Variants in PDCD1 observed in about 807,000 individuals in gnomAD.
PDCD1 encodes programmed cell death protein 1.
A neutral mutation model predicts 23.6 loss-of-function variants in PDCD1; 10 were observed. The observed-to-expected ratio is 0.42, with a 90% CI of 0.26 to 0.72. The LOEUF (loss-of-function observed/expected upper bound fraction) is 0.72, where lower values mean the gene tolerates loss of function less well. Among genes scored for constraint, PDCD1 ranks in the 30% least tolerant of loss-of-function variants. The probability of loss-of-function intolerance (pLI) is 0.24; values close to 1 mark genes in which losing one functional copy is unlikely to be tolerated. For synonymous variants in PDCD1, 168 were observed against 169.3 expected, an observed-to-expected ratio of 0.99 and a Z score of 0.06; for missense variants, 313 against 397.8, an observed-to-expected ratio of 0.79 and a Z score of 1.81.
At position 241,852,800 on chromosome 2, in the gene PDCD1, C is replaced by A; in HGVS notation, c.257G>T (p.Arg86Leu). ...GCGGCAGTCCTGGCCGGGCTGGCTGCGGTCCTCGGGGAAGGCGGCCAGCTT... is the reference window on the plus strand; with the variant it reads ...GCGGCAGTCCTGGCCGGGCTGGCTGAGGTCCTCGGGGAAGGCGGCCAGCTT... ...TDKLAAFPED[R>L]SQPGQDCRFR... is the part of the protein sequence containing the mutation. Residue 86 changes from arginine (R) to leucine (L), a missense_variant, in exon 2 of 5, where the codon CGC becomes CTC. This residue lies in a region of PDCD1 where 135 missense variants were observed against 166.9 expected (regional missense o/e 0.81). Coordinates refer to ENST00000334409, the MANE Select transcript of PDCD1 (RefSeq NM_005018.3). 6.2e-7 allele frequency: 1 copy of A among 1,613,512 alleles called. No individual in the cohort carries two copies. The highest frequency in any genetic ancestry group is 8.5e-7 in the Non-Finnish European group (1 of 1,179,990).
chr2:241,851,713 T>C (rs530475970), intron 4 of PDCD1, among the ~76,000 whole-genome samples: 2 of 147,352 alleles, frequency 1.4e-5, no homozygotes, highest in African/African-American at 2.6e-5. Flanking sequence ...CAGGCACCCC[T>C]GGAGACCGCA....
chr2:241,858,005 GGCCCAGGGTCACGGGCA>G (rs1170804030), intron 1 of PDCD1, among the ~76,000 whole-genome samples: 1 of 152,178 alleles, frequency 6.6e-6, no homozygotes, highest in Non-Finnish European at 1.5e-5. Flanking sequence ...GTACACAGAG[GGCCCAGGGTCACGGGCA>G]GCCCAGGAAG....
At chr2:241,851,526 T>G (rs1700902819) in intron 4 of PDCD1, among the ~76,000 whole-genome samples, 1 of 152,210 alleles carries the variant, frequency 6.6e-6, no homozygotes, top group Non-Finnish European at 1.5e-5. Flanking sequence ...AGATTTAGGA[T>G]TCCAAAATGT....
chr2:241,852,601 CG>C lies in PDCD1; in HGVS notation c.436+19del, dbSNP rs746714935. The C allele has an allele frequency of 2.5e-5, 40 of 1,604,188 alleles. No individual in the cohort carries two copies. Among genetic ancestry groups the C allele is most frequent in the Non-Finnish European group, 3.2e-5 (38 of 1,176,314 alleles). ...GGACCGGCTCAGCTCACCCCTGCCC[CG>C]GGGCCTCCGAGGCCGCACCTGTCAC... On this transcript the variant is annotated intron_variant, in intron 2 of 4. Coordinates refer to ENST00000334409, the MANE Select transcript of PDCD1 (RefSeq NM_005018.3).
chr2:241,850,509 G>T lies in PDCD1; in HGVS notation c.*549C>A. On this transcript the variant is annotated 3_prime_UTR_variant, in exon 5 of 5. Transcript: ENST00000334409. Reference sequence around the variant, plus strand: ...TCTGACCTTCCCTGAAACTTCTCTAGGCCTGCAGGGAGCAGATAACTCCTG... The same window carrying T: ...TCTGACCTTCCCTGAAACTTCTCTATGCCTGCAGGGAGCAGATAACTCCTG... 1 of 285,968 alleles carries T rather than the reference G, an allele frequency of 3.5e-6. No homozygotes were observed. Among genetic ancestry groups the T allele is most frequent in the Non-Finnish European group, 6.7e-6 (1 of 149,098 alleles). 17.7% of individuals were successfully genotyped at this position (285,968 alleles called of 1,614,324 possible).
intron 1 of PDCD1, among the ~76,000 whole-genome samples, chr2:241,856,071 GC>G: frequency 6.6e-6 from 1 of 152,334 alleles, no homozygotes; most frequent in South Asian, 2.1e-4. Flanking sequence ...TGAAGGCAGA[GC>G]CTGGGGGATG....
intron 1 of PDCD1, among the ~76,000 whole-genome samples, chr2:241,853,534 T>A (rs796557610): frequency 2.0e-5 from 3 of 152,358 alleles, no homozygotes; most frequent in African/African-American, 7.2e-5. Flanking sequence ...CAGTGGGGCC[T>A]CCACATTTTC....
chr2:241,854,293 C>T (rs1251447670), intron 1 of PDCD1, among the ~76,000 whole-genome samples: 1 of 152,246 alleles, frequency 6.6e-6, no homozygotes, highest in Admixed American at 6.5e-5. Context: ...CCCCCAGCTT[C>T]CTGGTGGTGT....
intron 4 of PDCD1, 148 bp downstream of exon 4, chr2:241,851,801 A>G: frequency 1.2e-6 from 1 of 828,922 alleles, no homozygotes; most frequent in Non-Finnish European, 2.0e-6. Flanking sequence ...TTAGGGATTG[A>G]GGTTGCTGCC....
At position 241,850,968 on chromosome 2, in the gene PDCD1, G is replaced by A; in HGVS notation, c.*90C>T. 2.0e-6 allele frequency: 3 copies of A among 1,500,904 alleles called. No individual in the cohort carries two copies. The highest frequency in any genetic ancestry group is 2.7e-6 in the Non-Finnish European group (3 of 1,116,646). 93.0% of individuals were successfully genotyped at this position (1,500,904 alleles called of 1,614,324 possible). On this transcript the variant is annotated 3_prime_UTR_variant, in exon 5 of 5. Coordinates refer to ENST00000334409, the MANE Select transcript of PDCD1 (RefSeq NM_005018.3). ...CTCAGCCCCTGGACGGCCTGCAATG[G>A]CCTGCACCCTGCCTGCTTCTCCTGA...
At chr2:241,855,348 C>T (rs996235374) in intron 1 of PDCD1, among the ~76,000 whole-genome samples, 2 of 152,094 alleles carry the variant, frequency 1.3e-5, no homozygotes, top group Non-Finnish European at 2.9e-5. Context: ...TCACCCCAGT[C>T]CTCAGGCCAC....
At chr2:241,851,352 C>A (rs1353343375) in intron 4 of PDCD1, 55 bp from the exon 5 acceptor site, 4 of 1,543,990 alleles carry the variant, frequency 2.6e-6, no homozygotes, top group Non-Finnish European at 2.6e-6. Context: ...AGGAAGGAGG[C>A]CCGCGGCTCC....
At chr2:241,855,129 C>T (rs556618032) in intron 1 of PDCD1, among the ~76,000 whole-genome samples, 1 of 152,262 alleles carries the variant, frequency 6.6e-6, no homozygotes, top group Non-Finnish European at 1.5e-5. Flanking sequence ...CCCCCCCAAC[C>T]CCCCTATTTT....
At position 241,852,886 on chromosome 2, in the gene PDCD1, G is replaced by A. The variant is rs2124861148; in HGVS notation, c.171C>T (p.Ser57=). 6.2e-7 allele frequency: 1 copy of A among 1,601,826 alleles called. No homozygotes were observed. Among genetic ancestry groups the A allele is most frequent in the Non-Finnish European group, 8.5e-7 (1 of 1,179,654 alleles). Residue 57 remains serine, a synonymous_variant, in exon 2 of 5, where the codon TCC becomes TCT. Transcript: ENST00000334409. ...GDNATFTCSF[S]NTSESFVLNW... ...TTAGCACGAAGCTCTCCGATGTGTT[G>A]GAGAAGCTGCAGGTGAAGGTGGCGT... is the stretch of plus-strand genomic sequence containing the variant.
chr2:241,858,390 C>G (rs1191411422), intron 1 of PDCD1, among the ~76,000 whole-genome samples: 1 of 152,210 alleles, frequency 6.6e-6, no homozygotes, highest in African/African-American at 2.4e-5. Context: ...CCAGCCTGAC[C>G]CGTCATTCTA....
intron 3 of PDCD1, 98 bp downstream of exon 3, chr2:241,852,100 T>TGGGGGGAGGGGGGGGGGGGGG: frequency 4.2e-6 from 1 of 236,010 alleles, no homozygotes. Flanking sequence ...TGGGGGGAGG[T>TGGGGGGAGGGGGGGGGGGGGG]GGGGTGGGGT....
rs578171561 is a variant in PDCD1 at position 241,855,130 on chromosome 2, C to T, written c.77-2150G>A. Among the ~76,000 whole-genome samples, 54 of 152,294 alleles carry T rather than the reference C, an allele frequency of 3.5e-4. 1 individual carries two copies. The East Asian group carries it at 0.01, about 28-fold the overall frequency. On this transcript the variant is annotated intron_variant, in intron 1 of 4. Coordinates refer to ENST00000334409, the MANE Select transcript of PDCD1 (RefSeq NM_005018.3). ...GGCTCCTGTTCCGCCCCCCCCAACC[C>T]CCCTATTTTGGAATCCACCCCGGGG...
intron 1 of PDCD1, among the ~76,000 whole-genome samples, chr2:241,854,216 C>A (rs1274943413): frequency 6.6e-6 from 1 of 152,224 alleles, no homozygotes; most frequent in Non-Finnish European, 1.5e-5. Context: ...CCCAGGGTGT[C>A]CCTGTTCCCT....
At chr2:241,851,743 C>T (rs959068606) in intron 4 of PDCD1, among the ~76,000 whole-genome samples, 3 of 151,832 alleles carry the variant, frequency 2.0e-5, no homozygotes, top group East Asian at 1.9e-4. Context: ...ACACATGGGC[C>T]GGGCACCCCC....
Sources: gnomAD v4.1 joint callset for allele counts (sites outside exome capture counted in the v4.1 genomes callset) on GRCh38, gnomAD v4.1.1 for gene constraint, gnomAD v4.1.1 regional missense constraint, MANE v1.5 for transcripts, NCBI Gene and HGNC (gene_info 2026-07-23, HGNC 2026-07-21) for gene names.